The following RYR2 variants were observed in gnomAD, a reference collection of about 807,000 sequenced individuals.
RYR2 encodes the protein cardiac muscle ryanodine receptor-calcium release channel.
A neutral mutation model predicts 601.1 loss-of-function variants in RYR2; 227 were observed. The ratio of observed to expected loss-of-function variants is 0.38; its 90% CI spans 0.34 to 0.42. RYR2 has a LOEUF of 0.42. Among genes scored for constraint, RYR2 ranks in the 10% least tolerant of loss-of-function variants. RYR2 has a pLI of 1.00. For synonymous variants in RYR2, 2,223 were observed against 2,175.1 expected (o/e 1.02, Z -0.61); for missense variants, 4,646 against 6,156.5 (o/e 0.75, Z 8.21).
chr1:237,603,495 G>A (rs1023034734), intron 35 of RYR2, among the ~76,000 whole-genome samples: 9 of 152,210 alleles, frequency 5.9e-5, no homozygotes, highest in Non-Finnish European at 1.2e-4. Flanking sequence ...AAAGACCATC[G>A]ATGCTAGGAA....
At chr1:237,128,473 T>C (rs1184542874) in intron 1 of RYR2, among the ~76,000 whole-genome samples, 1 of 152,198 alleles carries the variant, frequency 6.6e-6, no homozygotes, top group Admixed American at 6.5e-5. Context: ...CTGCCAGTGA[T>C]AGCAAAGAAG....
chr1:237,148,505 G>T (rs1674263150), intron 1 of RYR2, among the ~76,000 whole-genome samples: 1 of 80,840 alleles, frequency 1.2e-5, no homozygotes, highest in South Asian at 4.2e-4. Flanking sequence ...ATGTATCCCA[G>T]AACTTCAAGT....
intron 24 of RYR2, among the ~76,000 whole-genome samples, chr1:237,518,484 C>T (rs572197235): frequency 2.0e-5 from 3 of 152,246 alleles, no homozygotes; most frequent in East Asian, 1.9e-4. Flanking sequence ...ATTTTTTTAA[C>T]ACCCACTTGT....
At chr1:237,444,331 ATTCTT>A (rs1183112268) in intron 13 of RYR2, among the ~76,000 whole-genome samples, 3 of 152,020 alleles carry the variant, frequency 2.0e-5, no homozygotes, top group Non-Finnish European at 2.9e-5. Flanking sequence ...CATTTTAGTC[ATTCTT>A]TTCTTTATTA....
chr1:237,788,045 G>C lies in RYR2; in HGVS notation c.13386G>C (p.Leu4462Phe). ...AGGAAGACAAGGGCAAACAAAAGTT[G>C]AGGCAGCTTCACACACACAGATACG... ...KAKEDKGKQK[L>F]RQLHTHRYGE... The change falls in exon 92 of 105, where the codon TTG (leucine) becomes TTC (phenylalanine). Residue 4462 changes from leucine (L) to phenylalanine (F), a missense_variant. Leu to Phe is a conservative substitution (Grantham distance 22). Transcript: ENST00000366574. The C allele has an allele frequency of 6.2e-7, 1 of 1,609,952 alleles. No homozygotes were observed. Among genetic ancestry groups the C allele is most frequent in the Non-Finnish European group, 8.5e-7 (1 of 1,177,796 alleles).
At chr1:237,066,217 A>G (rs529880787) in intron 1 of RYR2, among the ~76,000 whole-genome samples, 1 of 152,330 alleles carries the variant, frequency 6.6e-6, no homozygotes, top group Admixed American at 6.5e-5. Context: ...GCCTTTTCTC[A>G]TGTCTGTTTA....
intron 72 of RYR2, among the ~76,000 whole-genome samples, chr1:237,717,872 G>A (rs1350968452): frequency 6.6e-6 from 1 of 152,172 alleles, no homozygotes; most frequent in East Asian, 1.9e-4. Flanking sequence ...ATGCAAATGA[G>A]GATGCAATAT....
Position 237,387,391 on chromosome 1 carries a change from C to G in RYR2, c.676+11C>G. 1 of 1,611,842 alleles carries G rather than the reference C, an allele frequency of 6.2e-7. No individual in the cohort carries two copies. The highest frequency in any genetic ancestry group is 8.5e-7 in the Non-Finnish European group (1 of 1,177,990). Reference sequence around the variant, plus strand: ...GTGAGGCAGCCCAAGGTAAAAACTCCACTTCAATTAGAGGGCCTGTCCTTG... The same window carrying G: ...GTGAGGCAGCCCAAGGTAAAAACTCGACTTCAATTAGAGGGCCTGTCCTTG... On this transcript the variant is annotated intron_variant, in intron 9 of 104. Transcript: ENST00000366574.
At chr1:237,160,644 A>G (rs1357256775) in intron 1 of RYR2, among the ~76,000 whole-genome samples, 3 of 151,904 alleles carry the variant, frequency 2.0e-5, no homozygotes, top group Non-Finnish European at 2.9e-5. Context: ...CCATTTTACT[A>G]ATGTCTTCTG....
chr1:237,585,903 A>G (rs555530914), intron 29 of RYR2, among the ~76,000 whole-genome samples: 2 of 152,314 alleles, frequency 1.3e-5, no homozygotes, highest in South Asian at 4.1e-4. Context: ...TTGCTTTTGA[A>G]TATTTGGAAA....
intron 27 of RYR2, among the ~76,000 whole-genome samples, chr1:237,566,230 C>G (rs574970811): frequency 6.6e-6 from 1 of 152,198 alleles, no homozygotes; most frequent in South Asian, 2.1e-4. Context: ...TTCTTTCCAT[C>G]TCATCCTCCA....
At position 237,650,105 on chromosome 1, in the gene RYR2, G is replaced by T. The variant is rs1426151116; in HGVS notation, c.7733+8G>T. The T allele has an allele frequency of 6.2e-6, 10 of 1,607,174 alleles. No homozygotes were observed. The highest frequency in any genetic ancestry group is 7.7e-6 in the Non-Finnish European group (9 of 1,174,410). On this transcript the variant is annotated splice_region_variant and intron_variant, in intron 50 of 104. Transcript: ENST00000366574. ...TTTACTCTCTATTTGTGGGTGAGTG[G>T]ATAACAAATTCTATTCCGGCTTCTT...
chr1:237,632,233 C>G lies in RYR2; in HGVS notation c.6555+692C>G, dbSNP rs979009681. ...TAAAATTTTGAATTATAATTCAGTT[C>G]TCATCACGTTACCAGTCCATGGCAC... On this transcript the variant is annotated intron_variant, in intron 42 of 104. Transcript: ENST00000366574. Among the ~76,000 whole-genome samples the G allele has an allele frequency of 2.7e-5, 4 of 147,376 alleles. No homozygotes were observed. The South Asian group carries it at 8.8e-4, about 32-fold the overall frequency.
intron 84 of RYR2, among the ~76,000 whole-genome samples, chr1:237,767,050 TTG>T (rs2149298129): frequency 4.5e-5 from 1 of 22,230 alleles, no homozygotes; most frequent in South Asian, 7.5e-4. Context: ...GCACTTTTAA[TTG>T]TTTGATCCAA....
At chr1:237,444,328 G>C (rs1417917455) in intron 13 of RYR2, among the ~76,000 whole-genome samples, 1 of 151,900 alleles carries the variant, frequency 6.6e-6, no homozygotes, top group Non-Finnish European at 1.5e-5. Flanking sequence ...TTTCATTTTA[G>C]TCATTCTTTT....
chr1:237,233,314 T>C (rs1685186640), intron 1 of RYR2, among the ~76,000 whole-genome samples: 1 of 152,242 alleles, frequency 6.6e-6, no homozygotes, highest in Non-Finnish European at 1.5e-5. Context: ...ATTTAGGCTG[T>C]TTTTAGAAGA....
At chr1:237,278,035 T>G (rs1690463768) in intron 2 of RYR2, among the ~76,000 whole-genome samples, 1 of 152,000 alleles carries the variant, frequency 6.6e-6, no homozygotes, top group African/African-American at 2.4e-5. Flanking sequence ...AGATTTGAAG[T>G]GCTGTTTCTG....
chr1:237,160,671 C>A (rs1273714749), intron 1 of RYR2, among the ~76,000 whole-genome samples: 1 of 151,622 alleles, frequency 6.6e-6, no homozygotes, highest in African/African-American at 2.4e-5. Flanking sequence ...TTTCATTGAT[C>A]TTTATAGTTC....
intron 61 of RYR2, among the ~76,000 whole-genome samples, chr1:237,678,901 G>A (rs12121446): frequency 0.038 from 5,716 of 152,262 alleles, 149 homozygotes; most frequent in Middle Eastern, 0.071. Flanking sequence ...TGCATTCAGC[G>A]ATTACAGATA....
Sources: gnomAD v4.1 joint callset for allele counts (sites outside exome capture counted in the v4.1 genomes callset) on GRCh38, gnomAD v4.1.1 for gene constraint, MANE v1.5 for transcripts, NCBI Gene and HGNC (gene_info 2026-07-23, HGNC 2026-07-21) for gene names.